Variants in FAM20C observed in about 807,000 individuals in gnomAD.
The protein encoded by FAM20C is FAM20C golgi associated secretory pathway kinase.
In FAM20C, 40 loss-of-function variants were observed where a neutral mutation model predicts 51.5. The ratio of observed to expected loss-of-function variants is 0.78; its 90% confidence interval spans 0.60 to 1.01. The LOEUF (loss-of-function observed/expected upper bound fraction) is 1.01, where lower values mean the gene tolerates loss of function less well. Among genes scored for constraint, FAM20C ranks in the 50% least tolerant of loss-of-function variants. FAM20C has a pLI of 0.00. For missense variants in FAM20C, 861 were observed against 844.7 expected, an observed-to-expected ratio of 1.02 and a Z score of -0.24; for synonymous variants, 406 against 380.6, an observed-to-expected ratio of 1.07 and a Z score of -0.78.
chr7:204,779 G>A (rs1190855492), intron 2 of FAM20C, among the ~76,000 whole-genome samples: 2 of 152,242 alleles, frequency 1.3e-5, no homozygotes, highest in Non-Finnish European at 2.9e-5. Flanking sequence ...TGTGCTCAGG[G>A]AGGGAATGTG....
intron 2 of FAM20C, among the ~76,000 whole-genome samples, chr7:200,517 C>T (rs1011303276): frequency 6.6e-6 from 1 of 152,178 alleles, no homozygotes; most frequent in Non-Finnish European, 1.5e-5. Context: ...ACCCAGGCAC[C>T]GGCCTCCCCG....
intron 5 of FAM20C, among the ~76,000 whole-genome samples, chr7:250,210 C>T (rs551047996): frequency 3.8e-4 from 58 of 152,332 alleles, no homozygotes; most frequent in African/African-American, 1.3e-3. Flanking sequence ...GGACTCTGCG[C>T]TTTCTCTTAA....
At chr7:253,139 C>A (rs36151804) in intron 5 of FAM20C, among the ~76,000 whole-genome samples, 19,145 of 152,228 alleles carry the variant, frequency 0.13, 1,285 homozygotes, top group African/African-American at 0.15. Flanking sequence ...ATGCAGGTTG[C>A]AGGAGACACG....
intron 3 of FAM20C, among the ~76,000 whole-genome samples, chr7:232,404 C>G (rs1487391800): frequency 6.6e-6 from 1 of 152,224 alleles, no homozygotes; most frequent in Admixed American, 6.5e-5. Context: ...GACAGAGCAA[C>G]CCTCACACCT....
intron 3 of FAM20C, among the ~76,000 whole-genome samples, chr7:227,160 A>G (rs1787479733): frequency 6.6e-6 from 1 of 152,062 alleles, no homozygotes; most frequent in African/African-American, 2.4e-5. Flanking sequence ...GAACGGCAAT[A>G]TCGAGGGTCT....
At chr7:227,493 T>C (rs1442154372) in intron 3 of FAM20C, 1 of 152,058 alleles carries the variant, frequency 6.6e-6, no homozygotes, top group Non-Finnish European at 1.5e-5. Context: ...CATCTAGGGC[T>C]CCACGGAGGA....
intron 3 of FAM20C, among the ~76,000 whole-genome samples, chr7:216,678 TGTGAGA>T (rs1316625165): frequency 1.8e-5 from 2 of 110,268 alleles, no homozygotes; most frequent in Non-Finnish European, 3.9e-5. Flanking sequence ...ACAGAGTGTG[TGTGAGA>T]GTGTGTGTGT....
intron 1 of FAM20C, among the ~76,000 whole-genome samples, chr7:194,450 A>G (rs1391201677): frequency 1.4e-5 from 2 of 147,180 alleles, no homozygotes; most frequent in Non-Finnish European, 3.0e-5. Flanking sequence ...GATCAAAACA[A>G]GCAGATGCTA....
At chr7:236,587 T>C (rs1787854171) in intron 3 of FAM20C, among the ~76,000 whole-genome samples, 1 of 152,170 alleles carries the variant, frequency 6.6e-6, no homozygotes, top group Non-Finnish European at 1.5e-5. Flanking sequence ...AACTGAGGCC[T>C]AGGGCCACCC....
At chr7:257,416 C>G in intron 8 of FAM20C, 1 of 269,168 alleles carries the variant, frequency 3.7e-6, no homozygotes, top group Non-Finnish European at 7.0e-6. Flanking sequence ...TGCCTGCACG[C>G]GGTACCTGGA....
rs1001783990 is a variant in FAM20C at position 241,057 on chromosome 7, G to T, written c.864-5358G>T. Among the ~76,000 whole-genome samples, 987 of 147,504 alleles carry T rather than the reference G, an allele frequency of 6.7e-3. 16 individuals are homozygous for T. The highest frequency in any genetic ancestry group is 0.024 in the African/African-American group (934 of 38,892). On this transcript the variant is annotated intron_variant, in intron 3 of 9. Transcript: ENST00000313766. ...TTGGAGAGCCCCAAGTGGGGCCGGG[G>T]CTTACGGGCTGGGGTGAGCTTCGGG...
At chr7:199,713 G>A (rs564411570) in intron 2 of FAM20C, among the ~76,000 whole-genome samples, 1 of 152,200 alleles carries the variant, frequency 6.6e-6, no homozygotes, top group Non-Finnish European at 1.5e-5. Context: ...GCTCCTGGCT[G>A]CCTGGTAACC....
chr7:236,897 G>A (rs939463317), intron 3 of FAM20C, among the ~76,000 whole-genome samples: 18 of 152,228 alleles, frequency 1.2e-4, no homozygotes, highest in Non-Finnish European at 2.4e-4. Context: ...ATCTGGATGC[G>A]TGGCCAGAGG....
chr7:256,430 G>A (rs1428030982), intron 6 of FAM20C: 7 of 588,048 alleles, frequency 1.2e-5, no homozygotes, highest in East Asian at 1.1e-4. Context: ...GGGGCCCAGA[G>A]GTGAAGGCAG....
chr7:193,680 C>T lies in FAM20C; in HGVS notation c.481C>T (p.Leu161=), dbSNP rs781379485. 8.2e-5 allele frequency: 126 copies of T among 1,544,564 alleles called. No individual in the cohort carries two copies. Among genetic ancestry groups the T allele is most frequent in the Non-Finnish European group, 1.1e-4 (122 of 1,144,788 alleles). Residue 161 remains leucine (L), a synonymous_variant, in exon 1 of 10, where the codon CTG becomes TTG. Transcript: ENST00000313766. ...CGGCCCCGGCGGAGACGCCTCCCTCCTGGCCAGGCTGTTCGAGCACCCGCT... is the reference window on the plus strand; with the variant it reads ...CGGCCCCGGCGGAGACGCCTCCCTCTTGGCCAGGCTGTTCGAGCACCCGCT... The part of the protein sequence containing the change: ...PPGPGGDASL[L]ARLFEHPLYR...
At chr7:233,748 G>A (rs1380006994) in intron 3 of FAM20C, among the ~76,000 whole-genome samples, 1 of 152,226 alleles carries the variant, frequency 6.6e-6, no homozygotes, top group East Asian at 1.9e-4. Context: ...ACGCGAGGCA[G>A]CAGTCACAGG....
intron 5 of FAM20C, among the ~76,000 whole-genome samples, chr7:250,562 G>T (rs1788356444): frequency 6.6e-6 from 1 of 152,188 alleles, no homozygotes; most frequent in African/African-American, 2.4e-5. Context: ...GATGGCTTGA[G>T]CTGTCCATCT....
intron 9 of FAM20C, among the ~76,000 whole-genome samples, chr7:258,977 C>T (rs972385602): frequency 2.0e-5 from 3 of 152,358 alleles, no homozygotes; most frequent in South Asian, 2.1e-4. Context: ...AGAGAGAGCT[C>T]GAGGCCAGGG....
rs1358099467 is a variant in FAM20C, at chr7:258,434, GGTGCTGGAGATGGGTGGGA to G, written c.1446-211_1446-193del. 5.1e-4 allele frequency among the ~76,000 whole-genome samples: 50 copies of G among 97,688 alleles called. 1 individual carries two copies. The highest frequency in any genetic ancestry group is 6.2e-4 in the Admixed American group (7 of 11,320). 64.1% of individuals were successfully genotyped at this position (97,688 alleles called of 152,430 possible). The stretch of plus-strand genomic sequence containing the variant: ...TGGGTGGGGTGGACCCACTGCCTGG[GGTGCTGGAGATGGGTGGGA>G]TGGACCCACTGCCTGGGGTGCTGGA... On this transcript the variant is annotated intron_variant, in intron 8 of 9. Coordinates refer to ENST00000313766, the MANE Select transcript of FAM20C (RefSeq NM_020223.4).
Sources: gnomAD v4.1 joint callset for allele counts (sites outside exome capture counted in the v4.1 genomes callset) on GRCh38, gnomAD v4.1.1 for gene constraint, MANE v1.5 for transcripts, NCBI Gene and HGNC (gene_info 2026-07-23, HGNC 2026-07-21) for gene names.